INSL4: variants seen among roughly 807,000 people sequenced by gnomAD.
INSL4 encodes the protein early placenta insulin-like peptide.
A neutral mutation model predicts 6.5 loss-of-function variants in INSL4; 7 were observed. The ratio of observed to expected loss-of-function variants is 1.08; its 90% CI spans 0.61 to 2.02. The LOEUF (loss-of-function observed/expected upper bound fraction) is 2.02. Among genes scored for constraint, INSL4 ranks in the 30% most tolerant of loss-of-function variants. The pLI is 0.00. For synonymous variants in INSL4, 82 were observed against 65.8 expected (o/e 1.25, Z -1.19); for missense variants, 226 against 163.2 (o/e 1.38, Z -2.09).
chr9:5,232,324 T>A (rs910006153), intron 1 of INSL4, among the ~76,000 whole-genome samples: 1 of 152,152 alleles, frequency 6.6e-6, no homozygotes, highest in Non-Finnish European at 1.5e-5. Context: ...AAAAACGTCC[T>A]CTTACAAAAA....
At chr9:5,233,196 A>G (rs1194486957) in intron 1 of INSL4, among the ~76,000 whole-genome samples, 1 of 152,174 alleles carries the variant, frequency 6.6e-6, no homozygotes, top group Non-Finnish European at 1.5e-5. Flanking sequence ...ATATAGATGT[A>G]TGTTGCTTCT....
In INSL4 at chr9:5,233,835, A is replaced by G. The variant is rs761729319; in HGVS notation, c.378A>G (p.Glu126=). ...ACAGATTTGATCCATTCTGTTGTGAAGTAATTTGTGACGATGGAACTTCAG... is the reference window on the plus strand; with the variant it reads ...ACAGATTTGATCCATTCTGTTGTGAGGTAATTTGTGACGATGGAACTTCAG... ...GRHRFDPFCC[E]VICDDGTSVK... is the part of the protein sequence containing the mutation. Residue 126 remains glutamate (E), a synonymous_variant, in exon 2 of 2, where the codon GAA becomes GAG. Transcript: ENST00000239316. 1.2e-6 allele frequency: 2 copies of G among 1,613,452 alleles called. No homozygotes were observed. The highest frequency in any genetic ancestry group is 2.7e-5 in the African/African-American group (2 of 74,918).
Position 5,233,755 on chromosome 9 carries a change from G to C in INSL4, c.298G>C (p.Gly100Arg), listed in dbSNP as rs1457214804. The C allele has an allele frequency of 1.2e-6, 2 of 1,613,596 alleles. No homozygotes were observed. The highest frequency in any genetic ancestry group is 2.7e-5 in the African/African-American group (2 of 74,912). ...SPELKKPLSE[G>R]QPSLKKIILS... ...AGAGCTGAAGAAACCACTGTCTGAA[G>C]GGCAGCCATCATTGAAGAAAATAAT... The change falls in exon 2 of 2, where the codon GGG (glycine) becomes CGG (arginine). Residue 100 changes from glycine (G) to arginine (R), a missense_variant. Physicochemically the swap from Gly to Arg is moderately radical, Grantham distance 125 (BLOSUM62 -2). Coordinates refer to ENST00000239316, the MANE Select transcript of INSL4 (RefSeq NM_002195.2).
At position 5,234,229 on chromosome 9, in the gene INSL4, C is replaced by T. The variant is rs1023445499; in HGVS notation, c.*352C>T. On this transcript the variant is annotated 3_prime_UTR_variant, in exon 2 of 2. Coordinates refer to ENST00000239316, the MANE Select transcript of INSL4 (RefSeq NM_002195.2). ...ATTTGATCATTACACATTATATACACGTATCAAAATATCACATGTACTACA... is the reference window on the plus strand; with the variant it reads ...ATTTGATCATTACACATTATATACATGTATCAAAATATCACATGTACTACA... 6.0e-5 allele frequency: 12 copies of T among 200,934 alleles called. No individual in the cohort carries two copies. Among genetic ancestry groups the T allele is most frequent in the South Asian group, 9.8e-5 (1 of 10,184 alleles). The allele number at this position is 200,934 out of a possible 1,614,324, so 12.4% of individuals were successfully genotyped here.
In INSL4 at chr9:5,234,135, A is replaced by C. The variant is rs1372192829; in HGVS notation, c.*258A>C. On this transcript the variant is annotated 3_prime_UTR_variant, in exon 2 of 2. Transcript: ENST00000239316. ...TCACTGTATATTCCAAAATAGCTAG[A>C]AGAGAATTGTAATGATTCCAACACA... The C allele has an allele frequency of 1.0e-5, 4 of 391,784 alleles. No individual in the cohort carries two copies. The Admixed American group carries it at 1.7e-4, about 17-fold the overall frequency. 24.3% of individuals were successfully genotyped at this position (391,784 alleles called of 1,614,324 possible). A position where few individuals can be genotyped will look rare whatever the true frequency, so the allele number is the denominator to read the frequency against.
chr9:5,231,811 C>T, intron 1 of INSL4, 92 bp downstream of exon 1: 1 of 1,127,070 alleles, frequency 8.9e-7, no homozygotes, highest in Non-Finnish European at 1.3e-6. Context: ...TCAGACTCTA[C>T]TGTGGCTAGT....
rs915652714 is a variant in INSL4, at chr9:5,232,935, C to CT, written c.197-712dup. Among the ~76,000 whole-genome samples, 36 of 152,156 alleles carry CT rather than the reference C, an allele frequency of 2.4e-4. 1 individual carries two copies. The highest frequency in any genetic ancestry group is 8.4e-4 in the African/African-American group (35 of 41,532). ...TATATAACGATTTCAAAGTTATTTC[C>CT]TTTTTTTACATTATTAGTCAGAGCT... On this transcript the variant is annotated intron_variant, in intron 1 of 1. Coordinates refer to ENST00000239316, the MANE Select transcript of INSL4 (RefSeq NM_002195.2).
At position 5,231,738 on chromosome 9, in the gene INSL4, C is replaced by A; in HGVS notation, c.196+19C>A. ...CCCAAAGGTGAGAGCCCTGGACTACCAAACAATCAGAATGAGGCCTGAAAA... is the reference window on the plus strand; with the variant it reads ...CCCAAAGGTGAGAGCCCTGGACTACAAAACAATCAGAATGAGGCCTGAAAA... On this transcript the variant is annotated intron_variant, in intron 1 of 1. Transcript: ENST00000239316. 6.2e-6 allele frequency: 10 copies of A among 1,607,804 alleles called. No homozygotes were observed. The highest frequency in any genetic ancestry group is 7.7e-6 in the Non-Finnish European group (9 of 1,175,542).
Position 5,233,894 on chromosome 9 carries a change from T to G in INSL4, c.*17T>G. ...TGTACATAGTAGAGTAATCATGGACTGGACATCTCATCCATTCTCATATGT... is the reference window on the plus strand; with the variant it reads ...TGTACATAGTAGAGTAATCATGGACGGGACATCTCATCCATTCTCATATGT... On this transcript the variant is annotated 3_prime_UTR_variant, in exon 2 of 2. Transcript: ENST00000239316. 6.6e-7 allele frequency: 1 copy of G among 1,512,460 alleles called. No individual in the cohort carries two copies. The highest frequency in any genetic ancestry group is 9.2e-7 in the Non-Finnish European group (1 of 1,088,286). 93.7% of individuals were successfully genotyped at this position (1,512,460 alleles called of 1,614,324 possible).
intron 1 of INSL4, among the ~76,000 whole-genome samples, chr9:5,233,240 T>C (rs1304746642): frequency 6.6e-6 from 1 of 152,186 alleles, no homozygotes; most frequent in Non-Finnish European, 1.5e-5. Flanking sequence ...GATATAGATG[T>C]ATAGATTTAT....
intron 1 of INSL4, among the ~76,000 whole-genome samples, 178 bp from the exon 2 acceptor site, chr9:5,233,476 T>G (rs964618599): frequency 6.6e-6 from 1 of 152,160 alleles, no homozygotes; most frequent in Non-Finnish European, 1.5e-5. Context: ...TATCTTAAAG[T>G]GCCCTACTCT....
chr9:5,234,123 C>CA lies in INSL4; in HGVS notation c.*250dup, dbSNP rs545785647. On this transcript the variant is annotated 3_prime_UTR_variant, in exon 2 of 2. Coordinates refer to ENST00000239316, the MANE Select transcript of INSL4 (RefSeq NM_002195.2). ...CTTAACAATAATTCACTGTATATTC[C>CA]AAAATAGCTAGAAGAGAATTGTAAT... The CA allele has an allele frequency of 2.0e-4, 85 of 416,274 alleles. 1 individual carries two copies. The highest frequency in any genetic ancestry group is 1.5e-3 in the African/African-American group (75 of 49,694). 25.8% of individuals were successfully genotyped at this position (416,274 alleles called of 1,614,324 possible).
chr9:5,234,016 T>C lies in INSL4; in HGVS notation c.*139T>C, dbSNP rs1443723209. ...GTATTCACATGTTTCACTTGCTCTG[T>C]ACTAATATAGTCTCTCCAAATGGAG... On this transcript the variant is annotated 3_prime_UTR_variant, in exon 2 of 2. Transcript: ENST00000239316. 4.3e-5 allele frequency: 28 copies of C among 648,102 alleles called. No individual in the cohort carries two copies. The highest frequency in any genetic ancestry group is 7.3e-5 in the Non-Finnish European group (27 of 369,814). The allele number at this position is 648,102 out of a possible 1,614,324, so 40.1% of individuals were successfully genotyped here.
In INSL4 at chr9:5,231,593, C is replaced by G; in HGVS notation, c.70C>G (p.Leu24Val). Residue 24 changes from leucine to valine, a missense_variant, in exon 1 of 2, where the codon CTA (leucine) becomes GTA (valine). Leu to Val is a conservative substitution (Grantham distance 32). Transcript: ENST00000239316. ...GCTGAGCCAACTCCTTAGAGAAAGC[C>G]TAGCAGCAGAGCTGAGGGGATGTGG... Reference protein sequence around the residue: ...LLLSQLLRESLAAELRGCGPR... With the variant: ...LLLSQLLRESVAAELRGCGPR... 6.2e-7 allele frequency: 1 copy of G among 1,613,910 alleles called. No individual in the cohort carries two copies. The highest frequency in any genetic ancestry group is 8.5e-7 in the Non-Finnish European group (1 of 1,179,878).
chr9:5,233,613 A>G lies in INSL4; in HGVS notation c.197-41A>G, dbSNP rs368908714. 26 of 1,502,220 alleles carry G rather than the reference A, an allele frequency of 1.7e-5. No homozygotes were observed. The African/African-American group carries it at 2.6e-4, about 15-fold the overall frequency. 93.1% of individuals were successfully genotyped at this position (1,502,220 alleles called of 1,614,324 possible). On this transcript the variant is annotated intron_variant, in intron 1 of 1. Coordinates refer to ENST00000239316, the MANE Select transcript of INSL4 (RefSeq NM_002195.2). Reference sequence around the variant, plus strand: ...ATTTTTCTGATCCTCTTTCACATGAATGTTTTTCCTCACCTTTCATTCCTC... The same window carrying G: ...ATTTTTCTGATCCTCTTTCACATGAGTGTTTTTCCTCACCTTTCATTCCTC...
chr9:5,234,267 A>C lies in INSL4; in HGVS notation c.*390A>C, dbSNP rs1452620655. The C allele has an allele frequency of 1.1e-5, 2 of 174,946 alleles. No homozygotes were observed. The highest frequency in any genetic ancestry group is 4.8e-5 in the African/African-American group (2 of 41,800). 10.8% of individuals were successfully genotyped at this position (174,946 alleles called of 1,614,324 possible). A position where few individuals can be genotyped will look rare whatever the true frequency, so the allele number is the denominator to read the frequency against. On this transcript the variant is annotated 3_prime_UTR_variant, in exon 2 of 2. Coordinates refer to ENST00000239316, the MANE Select transcript of INSL4 (RefSeq NM_002195.2). ...CACATGTACTACAAAAATGTGTATA[A>C]CTGTAATATGTGAACTACAAACTTA...
rs184993416 is a variant in INSL4 at position 5,234,405 on chromosome 9, G to C, written c.*528G>C. 1 of 156,592 alleles carries C rather than the reference G, an allele frequency of 6.4e-6. No individual in the cohort carries two copies. Among genetic ancestry groups the C allele is most frequent in the Non-Finnish European group, 1.4e-5 (1 of 71,044 alleles). 9.7% of individuals were successfully genotyped at this position (156,592 alleles called of 1,614,324 possible). A position where few individuals can be genotyped will look rare whatever the true frequency, so the allele number is the denominator to read the frequency against. On this transcript the variant is annotated 3_prime_UTR_variant, in exon 2 of 2. Transcript: ENST00000239316. ...ACTAGAAGAAATGTAAGAGATAAAGGATCTAACCATCTCTAACATCAGCTC... is the reference window on the plus strand; with the variant it reads ...ACTAGAAGAAATGTAAGAGATAAAGCATCTAACCATCTCTAACATCAGCTC...
intron 1 of INSL4, 50 bp from the exon 2 acceptor site, chr9:5,233,604 T>C: frequency 6.9e-7 from 1 of 1,451,746 alleles, no homozygotes; most frequent in Non-Finnish European, 9.6e-7. Flanking sequence ...CTGATCCTCT[T>C]TCACATGAAT....
chr9:5,233,394 G>A (rs1325940337), intron 1 of INSL4, among the ~76,000 whole-genome samples: 3 of 152,122 alleles, frequency 2.0e-5, no homozygotes, highest in Non-Finnish European at 4.4e-5. Context: ...TATGGTATAG[G>A]CATTTAGAGG....
Sources: gnomAD v4.1 joint callset for allele counts (sites outside exome capture counted in the v4.1 genomes callset) on GRCh38, gnomAD v4.1.1 for gene constraint, MANE v1.5 for transcripts, NCBI Gene and HGNC (gene_info 2026-07-23, HGNC 2026-07-21) for gene names.